BPNT2: variants seen among roughly 807,000 people sequenced by gnomAD.
BPNT2 encodes 3'(2'), 5'-bisphosphate nucleotidase 2.
BPNT2 carries 11 observed loss-of-function variants against 29.3 expected under a neutral mutation model. The observed-to-expected ratio is 0.38, with a 90% CI of 0.24 to 0.62. BPNT2 has a LOEUF of 0.62. BPNT2 is among the 20% of genes least tolerant of loss of function. BPNT2 has a pLI of 0.62. For synonymous variants in BPNT2, 195 were observed against 187.7 expected (o/e 1.04, Z -0.32); for missense variants, 459 against 473.4 (o/e 0.97, Z 0.28).
At chr8:56,984,286 T>TA (rs1806293275) in intron 1 of BPNT2, among the ~76,000 whole-genome samples, 1 of 152,156 alleles carries the variant, frequency 6.6e-6, no homozygotes. Flanking sequence ...TTAGCACAAA[T>TA]ACCTAATCTG....
chr8:56,975,006 T>G, intron 3 of BPNT2, among the ~76,000 whole-genome samples: 1 of 152,194 alleles, frequency 6.6e-6, no homozygotes, highest in Non-Finnish European at 1.5e-5. Context: ...TAGCAGGCTC[T>G]GTTTGCAGCT....
At chr8:56,971,740 T>C (rs1355226561) in intron 3 of BPNT2, among the ~76,000 whole-genome samples, 1 of 146,514 alleles carries the variant, frequency 6.8e-6, no homozygotes, top group Non-Finnish European at 1.5e-5. Flanking sequence ...AATCATAAAC[T>C]GCACAAAATT....
At position 56,993,484 on chromosome 8, in the gene BPNT2, G is replaced by T. The variant is rs1052447934; in HGVS notation, c.102C>A (p.Gly34=). 4 of 1,498,914 alleles carry T rather than the reference G, an allele frequency of 2.7e-6. No individual in the cohort carries two copies. Among genetic ancestry groups the T allele is most frequent in the Admixed American group, 4.5e-5 (2 of 44,194 alleles). The allele number at this position is 1,498,914 out of a possible 1,614,324, so 92.9% of individuals were successfully genotyped here. The part of the protein sequence containing the change: ...LYHLYSGFLA[G]RFSLFGLGGE... ...CGCCCAGGCCGAAGAGGCTGAAGCGGCCGGCCAAGAAGCCCGAGTAGAGGT... is the reference window on the plus strand; with the variant it reads ...CGCCCAGGCCGAAGAGGCTGAAGCGTCCGGCCAAGAAGCCCGAGTAGAGGT... The change falls in exon 1 of 5, where the codon GGC becomes GGA. Residue 34 remains glycine, a synonymous_variant. Coordinates refer to ENST00000262644, the MANE Select transcript of BPNT2 (RefSeq NM_017813.5).
Position 56,963,717 on chromosome 8 carries a change from C to T in BPNT2, c.*76G>A. 1 of 1,547,998 alleles carries T rather than the reference C, an allele frequency of 6.5e-7. No individual in the cohort carries two copies. The highest frequency in any genetic ancestry group is 1.4e-5 in the African/African-American group (1 of 73,748). On this transcript the variant is annotated 3_prime_UTR_variant, in exon 5 of 5. Transcript: ENST00000262644. ...TGGCCTTAACCATGCATAGTCTCCA[C>T]CAATCCTTTGAAGCTTCCAGCATCT...
intron 4 of BPNT2, among the ~76,000 whole-genome samples, chr8:56,965,181 T>C (rs1170356563): frequency 6.6e-6 from 1 of 152,096 alleles, no homozygotes; most frequent in African/African-American, 2.4e-5. Context: ...TAGCCAGGCA[T>C]GGTGGTGCAT....
chr8:56,964,667 A>T (rs1403417890), intron 4 of BPNT2, among the ~76,000 whole-genome samples: 1 of 152,178 alleles, frequency 6.6e-6, no homozygotes, highest in Non-Finnish European at 1.5e-5. Context: ...AAAAATTTTA[A>T]ATCTACATTG....
intron 1 of BPNT2, among the ~76,000 whole-genome samples, chr8:56,982,503 T>C (rs928243708): frequency 6.6e-6 from 1 of 152,218 alleles, no homozygotes; most frequent in African/African-American, 2.4e-5. Flanking sequence ...CAAATGCTTA[T>C]TGATTGCCTA....
Position 56,980,177 on chromosome 8 carries a change from C to G in BPNT2, c.408G>C (p.Val136=). 6.2e-7 allele frequency: 1 copy of G among 1,613,662 alleles called. No individual in the cohort carries two copies. Among genetic ancestry groups the G allele is most frequent in the Non-Finnish European group, 8.5e-7 (1 of 1,179,716 alleles). The part of the protein sequence containing the change: ...PSVQINTEEH[V]DAADQEVILW... ...AGATAACCTCCTGATCAGCTGCATCCACGTGTTCCTCAGTATTAATCTGCA... is the reference window on the plus strand; with the variant it reads ...AGATAACCTCCTGATCAGCTGCATCGACGTGTTCCTCAGTATTAATCTGCA... The change falls in exon 2 of 5, where the codon GTG becomes GTC. Residue 136 remains valine (V), a synonymous_variant. Transcript: ENST00000262644.
At chr8:56,969,420 G>A (rs887646366) in intron 3 of BPNT2, among the ~76,000 whole-genome samples, 16 of 152,084 alleles carry the variant, frequency 1.1e-4, no homozygotes, top group African/African-American at 3.4e-4. Flanking sequence ...ATGCATTGTC[G>A]GTTACCATTG....
intron 1 of BPNT2, among the ~76,000 whole-genome samples, chr8:56,991,405 T>G (rs1403839479): frequency 1.3e-5 from 2 of 152,236 alleles, no homozygotes; most frequent in Non-Finnish European, 2.9e-5. Context: ...GCCATTCCCT[T>G]ATTGTTTGCT....
rs777781538 is a variant in BPNT2 at position 56,980,107 on chromosome 8, T to C, written c.478A>G (p.Thr160Ala). The C allele has an allele frequency of 1.9e-6, 3 of 1,612,776 alleles. No homozygotes were observed. The highest frequency in any genetic ancestry group is 3.3e-5 in the Admixed American group (2 of 59,978). Residue 160 changes from threonine to alanine, a missense_variant, in exon 2 of 5, where the codon ACT becomes GCT. Thr to Ala is a moderately conservative substitution (Grantham distance 58, BLOSUM62 0). Transcript: ENST00000262644. ...IPEDILKEVT[T>A]PKEVPAESVT... The stretch of plus-strand genomic sequence containing the variant: ...CTTTCTGCTGGTACCTCTTTAGGAG[T>C]AGTTACTTCCTTTAGGATATCCTCA...
chr8:56,985,960 C>A (rs1407949091), intron 1 of BPNT2, among the ~76,000 whole-genome samples: 1 of 152,214 alleles, frequency 6.6e-6, no homozygotes, highest in Non-Finnish European at 1.5e-5. Flanking sequence ...TCTCCAATCT[C>A]TTCTCTTTCC....
chr8:56,984,622 T>C (rs1806299237), intron 1 of BPNT2, among the ~76,000 whole-genome samples: 1 of 152,220 alleles, frequency 6.6e-6, no homozygotes, highest in African/African-American at 2.4e-5. Flanking sequence ...ATCTAATGGC[T>C]ATATACGCTA....
chr8:56,968,775 A>T (rs1805988294), intron 3 of BPNT2, among the ~76,000 whole-genome samples: 1 of 152,238 alleles, frequency 6.6e-6, no homozygotes, highest in Non-Finnish European at 1.5e-5. Context: ...AAGACATCAT[A>T]GTTACATCAT....
chr8:56,985,099 C>T (rs1806308180), intron 1 of BPNT2, among the ~76,000 whole-genome samples: 3 of 151,900 alleles, frequency 2.0e-5, no homozygotes, highest in South Asian at 4.2e-4. Flanking sequence ...GACACTCTCC[C>T]AGCATGACCC....
intron 3 of BPNT2, among the ~76,000 whole-genome samples, chr8:56,976,462 A>C (rs567329561): frequency 1.3e-5 from 2 of 152,296 alleles, no homozygotes; most frequent in East Asian, 3.9e-4. Context: ...ATAAGCCATA[A>C]AGCAATTATA....
Position 56,993,225 on chromosome 8 carries a change from G to C in BPNT2, c.361C>G (p.Leu121Val). ...VLSNRKMFYL[L>V]KTAFPSVQIN... ...TGGACGCTGGGGAAGGCGGTCTTGAGCAGGTAGAACATCTTGCGGTTGGAC... is the reference window on the plus strand; with the variant it reads ...TGGACGCTGGGGAAGGCGGTCTTGACCAGGTAGAACATCTTGCGGTTGGAC... The change falls in exon 1 of 5, where the codon CTC becomes GTC. Residue 121 changes from leucine (L) to valine (V), a missense_variant. Leu to Val is a conservative substitution (Grantham distance 32). Transcript: ENST00000262644. 1.9e-6 allele frequency: 3 copies of C among 1,604,282 alleles called. No homozygotes were observed. The highest frequency in any genetic ancestry group is 2.5e-6 in the Non-Finnish European group (3 of 1,179,666).
chr8:56,980,039 A>G lies in BPNT2; in HGVS notation c.546T>C (p.Tyr182=). Residue 182 remains tyrosine (Y), a synonymous_variant, in exon 2 of 5, where the codon TAT becomes TAC. Transcript: ENST00000262644. The stretch of plus-strand genomic sequence containing the variant: ...TGAGTTCAGTTTAAAAATTACCTGT[A>G]TATTCCTGTGTAGCATCAAGTGGGT... ...WIDPLDATQE[Y]TEDLRKYVTT... The G allele has an allele frequency of 2.5e-6, 4 of 1,613,770 alleles. No individual in the cohort carries two copies. Among genetic ancestry groups the G allele is most frequent in the Non-Finnish European group, 3.4e-6 (4 of 1,179,820 alleles).
At chr8:56,985,782 T>C (rs1434261454) in intron 1 of BPNT2, among the ~76,000 whole-genome samples, 2 of 152,200 alleles carry the variant, frequency 1.3e-5, no homozygotes, top group African/African-American at 4.8e-5. Flanking sequence ...TTTTCCTTCC[T>C]GAACATCTGG....
Sources: gnomAD v4.1 joint callset for allele counts (sites outside exome capture counted in the v4.1 genomes callset) on GRCh38, gnomAD v4.1.1 for gene constraint, MANE v1.5 for transcripts, NCBI Gene and HGNC (gene_info 2026-07-23, HGNC 2026-07-21) for gene names.